RIT2: variants seen among roughly 807,000 people sequenced by gnomAD.
RIT2 encodes the protein Ras like without CAAX 2.
A neutral mutation model predicts 23.7 loss-of-function variants in RIT2; 24 were observed. That is an observed-to-expected ratio of 1.01 (90% CI 0.73 to 1.43). The LOEUF is 1.43. Ranked by LOEUF, RIT2 falls within the 40% of genes most tolerant of loss-of-function variation. The probability of loss-of-function intolerance (pLI) is 0.00; values close to 1 mark genes in which losing one functional copy is unlikely to be tolerated. For missense variants in RIT2, 236 were observed against 266.9 expected (o/e 0.88, Z 0.81); for synonymous variants, 107 against 91.1 (o/e 1.17, Z -0.99).
intron 3 of RIT2, among the ~76,000 whole-genome samples, chr18:42,960,977 T>A (rs1910083083): frequency 6.6e-6 from 1 of 152,194 alleles, no homozygotes; most frequent in Non-Finnish European, 1.5e-5. Context: ...TGTTTTTTGC[T>A]TATTATTTAT....
intron 4 of RIT2, among the ~76,000 whole-genome samples, chr18:42,832,652 C>G (rs1906491494): frequency 6.6e-6 from 1 of 152,156 alleles, no homozygotes; most frequent in African/African-American, 2.4e-5. Flanking sequence ...AAACATTTAT[C>G]ATGTATTTGT....
At chr18:42,832,733 C>A (rs529919737) in intron 4 of RIT2, among the ~76,000 whole-genome samples, 2 of 151,520 alleles carry the variant, frequency 1.3e-5, no homozygotes, top group East Asian at 1.9e-4. Flanking sequence ...ATTATAGTCA[C>A]CCTCCTGTGT....
chr18:42,785,367 GT>G (rs1046654139), intron 4 of RIT2, among the ~76,000 whole-genome samples: 11 of 151,386 alleles, frequency 7.3e-5, no homozygotes, highest in African/African-American at 2.2e-4. Flanking sequence ...TTAAAGTTCT[GT>G]TTATAATCAT....
intron 4 of RIT2, among the ~76,000 whole-genome samples, chr18:42,910,605 T>C (rs1480838530): frequency 6.6e-6 from 1 of 152,068 alleles, no homozygotes; most frequent in Non-Finnish European, 1.5e-5. Flanking sequence ...GCGGCAGAGC[T>C]GCAGAGTGGT....
In RIT2 at chr18:42,803,171, T is replaced by C. The variant is rs186332881; in HGVS notation, c.427-59451A>G. Among the ~76,000 whole-genome samples the C allele has an allele frequency of 2.0e-5, 3 of 152,346 alleles. No individual in the cohort carries two copies. The East Asian group carries it at 5.8e-4, about 29-fold the overall frequency. ...ATTAGATTATCTGCGTATTTATCGT[T>C]AGTAAATTCCAATGACTTCATCATT... is the stretch of plus-strand genomic sequence containing the variant. On this transcript the variant is annotated intron_variant, in intron 4 of 4. Transcript: ENST00000326695.
intron 4 of RIT2, among the ~76,000 whole-genome samples, chr18:42,789,107 A>G (rs1913983696): frequency 6.6e-6 from 1 of 152,202 alleles, no homozygotes; most frequent in Non-Finnish European, 1.5e-5. Flanking sequence ...GTTGTGATCA[A>G]TAATAAAATG....
intron 2 of RIT2, among the ~76,000 whole-genome samples, chr18:42,996,993 A>C (rs914944809): frequency 6.6e-6 from 1 of 152,138 alleles, no homozygotes; most frequent in African/African-American, 2.4e-5. Context: ...CCACAGCAGC[A>C]ATTCATATTT....
intron 4 of RIT2, among the ~76,000 whole-genome samples, chr18:42,921,608 G>C (rs1568030629): frequency 6.6e-6 from 1 of 152,102 alleles, no homozygotes; most frequent in African/African-American, 2.4e-5. Flanking sequence ...GCCAGCTTTG[G>C]AGTCATGAAG....
intron 4 of RIT2, among the ~76,000 whole-genome samples, chr18:42,764,360 G>C (rs1220072176): frequency 3.3e-5 from 5 of 152,014 alleles, no homozygotes; most frequent in African/African-American, 1.2e-4. Flanking sequence ...CTTTCCTCTT[G>C]AATCAATCTT....
intron 4 of RIT2, among the ~76,000 whole-genome samples, chr18:42,892,056 C>A (rs1016598183): frequency 4.0e-5 from 6 of 151,834 alleles, no homozygotes; most frequent in Non-Finnish European, 8.8e-5. Context: ...GAAAAAAAAA[C>A]ACACTCTAAA....
At chr18:43,049,768 C>T (rs920800763) in intron 1 of RIT2, among the ~76,000 whole-genome samples, 21 of 151,712 alleles carry the variant, frequency 1.4e-4, no homozygotes, top group African/African-American at 2.4e-4. Flanking sequence ...TAGCATGTGC[C>T]GAAGTTCCAA....
At chr18:42,863,567 A>G (rs1907386941) in intron 4 of RIT2, among the ~76,000 whole-genome samples, 1 of 152,186 alleles carries the variant, frequency 6.6e-6, no homozygotes, top group East Asian at 1.9e-4. Flanking sequence ...ATGTTATTGA[A>G]CCTCTTATAA....
At position 42,837,153 on chromosome 18, in the gene RIT2, C is replaced by CTTTTTTTTTTTTTTTTTTTTTTTTTTTTT. The variant is rs570701535; in HGVS notation, c.426+86390_426+86418dup. Among the ~76,000 whole-genome samples, 16 of 51,684 alleles carry CTTTTTTTTTTTTTTTTTTTTTTTTTTTTT rather than the reference C, an allele frequency of 3.1e-4. 2 individuals are homozygous for CTTTTTTTTTTTTTTTTTTTTTTTTTTTTT. Among genetic ancestry groups the CTTTTTTTTTTTTTTTTTTTTTTTTTTTTT allele is most frequent in the Non-Finnish European group, 4.7e-4 (13 of 27,898 alleles). The allele number at this position is 51,684 out of a possible 152,430, so 33.9% of individuals were successfully genotyped here. On this transcript the variant is annotated intron_variant, in intron 4 of 4. Coordinates refer to ENST00000326695, the MANE Select transcript of RIT2 (RefSeq NM_002930.4). ...TAAAAATTTCTTTTTTTTTCTTTTT[C>CTTTTTTTTTTTTTTTTTTTTTTTTTTTTT]TTTTTTTTTTTTTTTTTTTTTTTTT...
chr18:42,880,622 A>G (rs1282075704), intron 4 of RIT2, among the ~76,000 whole-genome samples: 1 of 151,934 alleles, frequency 6.6e-6, no homozygotes, highest in African/African-American at 2.4e-5. Context: ...TATTCCTTAG[A>G]GTTTCCTGTC....
At chr18:42,966,160 T>C (rs1229335381) in intron 3 of RIT2, among the ~76,000 whole-genome samples, 1 of 152,188 alleles carries the variant, frequency 6.6e-6, no homozygotes, top group Non-Finnish European at 1.5e-5. Flanking sequence ...GAAACCTTTG[T>C]AAATTGACTT....
At chr18:42,887,386 A>G (rs1485916845) in intron 4 of RIT2, among the ~76,000 whole-genome samples, 1 of 152,184 alleles carries the variant, frequency 6.6e-6, no homozygotes, top group African/African-American at 2.4e-5. Context: ...ATGGTAGGTA[A>G]TCTCTCTTGG....
chr18:42,789,835 C>T (rs1338210832), intron 4 of RIT2, among the ~76,000 whole-genome samples: 1 of 152,162 alleles, frequency 6.6e-6, no homozygotes. Flanking sequence ...CCCGATTGCT[C>T]TGGCTAGGAC....
chr18:43,002,594 C>T (rs1911132628), intron 2 of RIT2, among the ~76,000 whole-genome samples: 1 of 151,948 alleles, frequency 6.6e-6, no homozygotes, highest in South Asian at 2.1e-4. Context: ...GCACTAGTCC[C>T]TGCAAGGTAT....
intron 4 of RIT2, among the ~76,000 whole-genome samples, chr18:42,868,946 A>T (rs956825844): frequency 6.6e-6 from 1 of 152,214 alleles, no homozygotes; most frequent in African/African-American, 2.4e-5. Context: ...CCTTGAATTA[A>T]GGGGCTTTCA....
Sources: gnomAD v4.1 joint callset for allele counts (sites outside exome capture counted in the v4.1 genomes callset) on GRCh38, gnomAD v4.1.1 for gene constraint, MANE v1.5 for transcripts, NCBI Gene and HGNC (gene_info 2026-07-23, HGNC 2026-07-21) for gene names.